Variants in TENM3 observed in about 807,000 individuals in gnomAD.
TENM3 encodes teneurin-3.
Under a neutral mutation model 255.1 loss-of-function variants are expected in TENM3, and 63 were observed. The observed-to-expected ratio is 0.25, with a 90% CI of 0.20 to 0.30. The LOEUF (loss-of-function observed/expected upper bound fraction) is 0.30. Among genes scored for constraint, TENM3 ranks in the 10% least tolerant of loss-of-function variants. The pLI is 1.00. For missense variants in TENM3, 2,929 were observed against 3,461.1 expected, an observed-to-expected ratio of 0.85 and a Z score of 3.86; for synonymous variants, 1,306 against 1,322.3, an observed-to-expected ratio of 0.99 and a Z score of 0.27.
chr4:182,388,256 A>G (rs936973122), intron 3 of TENM3, among the ~76,000 whole-genome samples: 1 of 152,170 alleles, frequency 6.6e-6, no homozygotes, highest in African/African-American at 2.4e-5. Flanking sequence ...TTGACGTAGC[A>G]GTCCCTCTCA....
chr4:182,366,798 T>C (rs1334034066), intron 3 of TENM3, among the ~76,000 whole-genome samples: 2 of 152,144 alleles, frequency 1.3e-5, no homozygotes, highest in Admixed American at 1.3e-4. Flanking sequence ...AATGTAATAG[T>C]GGAAAAGCAG....
At chr4:181,495,613 C>T in the TENM3 span, among the ~76,000 whole-genome samples, 1 of 151,700 alleles carries the variant, frequency 6.6e-6, no homozygotes, top group African/African-American at 2.4e-5. Flanking sequence ...GAAATATCAG[C>T]AATGGTGTAT....
At chr4:181,753,422 A>T in the TENM3 span, among the ~76,000 whole-genome samples, 1 of 152,122 alleles carries the variant, frequency 6.6e-6, no homozygotes, top group Admixed American at 6.5e-5. Flanking sequence ...GGCTGTACAG[A>T]TGGAGACGCA....
intron 3 of TENM3, among the ~76,000 whole-genome samples, chr4:182,368,173 T>A (rs544749302): frequency 6.6e-6 from 1 of 152,352 alleles, no homozygotes; most frequent in South Asian, 2.1e-4. Flanking sequence ...GTATTTATCT[T>A]CACCACAGCC....
intron 1 of TENM3, among the ~76,000 whole-genome samples, chr4:182,263,653 G>T (rs987206802): frequency 6.6e-6 from 1 of 152,118 alleles, no homozygotes; most frequent in Non-Finnish European, 1.5e-5. Flanking sequence ...TTCCTGCAAT[G>T]GTAGGTCTTC....
the TENM3 span, among the ~76,000 whole-genome samples, chr4:181,985,337 T>C: frequency 6.6e-6 from 1 of 151,228 alleles, no homozygotes; most frequent in Admixed American, 6.6e-5. Flanking sequence ...AAAAATAGAC[T>C]AATGTAGAAA....
chr4:181,740,624 C>T, the TENM3 span, among the ~76,000 whole-genome samples: 1 of 151,904 alleles, frequency 6.6e-6, no homozygotes, highest in South Asian at 2.1e-4. Flanking sequence ...ATAGAGATCA[C>T]TGCAATCAAT....
At chr4:181,525,508 AGAGATT>A in the TENM3 span, among the ~76,000 whole-genome samples, 1 of 151,768 alleles carries the variant, frequency 6.6e-6, no homozygotes, top group African/African-American at 2.4e-5. Context: ...CTAACTGAGT[AGAGATT>A]AATTGCCAGG....
the TENM3 span, among the ~76,000 whole-genome samples, chr4:181,962,584 C>T: frequency 1.3e-5 from 2 of 152,164 alleles, no homozygotes; most frequent in Non-Finnish European, 1.5e-5. Flanking sequence ...AGCTGTATGG[C>T]TTAAGAGCTC....
intron 5 of TENM3, among the ~76,000 whole-genome samples, chr4:182,639,831 C>T (rs750383586): frequency 3.9e-5 from 6 of 152,154 alleles, no homozygotes; most frequent in Admixed American, 6.5e-5. Context: ...GTGGCTCACA[C>T]CTGTAATCCC....
At chr4:182,338,096 A>G (rs760650593) in intron 2 of TENM3, among the ~76,000 whole-genome samples, 1 of 152,154 alleles carries the variant, frequency 6.6e-6, no homozygotes, top group African/African-American at 2.4e-5. Flanking sequence ...ACTGCCTATG[A>G]AATTTACCTA....
the TENM3 span, among the ~76,000 whole-genome samples, chr4:181,763,114 A>G: frequency 1.3e-5 from 2 of 152,190 alleles, no homozygotes; most frequent in African/African-American, 4.8e-5. Context: ...ATTTGAAACA[A>G]AAATAGGAAT....
chr4:181,588,686 G>A, the TENM3 span, among the ~76,000 whole-genome samples: 27 of 152,196 alleles, frequency 1.8e-4, no homozygotes. Flanking sequence ...ATAGAGAAGA[G>A]AGGGAGTAAA....
At chr4:182,280,913 C>T (rs1020066877) in intron 1 of TENM3, among the ~76,000 whole-genome samples, 9 of 152,168 alleles carry the variant, frequency 5.9e-5, no homozygotes, top group Non-Finnish European at 1.3e-4. Flanking sequence ...TAAGGAGCCT[C>T]GAGAAGCAGA....
At chr4:181,616,354 CATATATATCAATAGGATAT>C in the TENM3 span, among the ~76,000 whole-genome samples, 4 of 132,732 alleles carry the variant, frequency 3.0e-5, no homozygotes, top group African/African-American at 1.1e-4. Context: ...CACACGTATG[CATATATATCAATAGGATAT>C]ATATATATAT....
chr4:181,847,192 G>A, the TENM3 span, among the ~76,000 whole-genome samples: 513 of 152,262 alleles, frequency 3.4e-3, 7 homozygotes, highest in African/African-American at 0.011. Flanking sequence ...TATGGAAAAC[G>A]TTATAACAGA....
the TENM3 span, among the ~76,000 whole-genome samples, chr4:181,721,599 C>CA: frequency 1.0e-3 from 26 of 25,582 alleles, 1 homozygote; most frequent in African/African-American, 1.3e-3. Flanking sequence ...GACTCCGTCT[C>CA]AAAAAAAAAA....
chr4:182,680,297 T>G lies in TENM3; in HGVS notation c.1587T>G (p.Val529=). 1.2e-6 allele frequency: 2 copies of G among 1,613,918 alleles called. No homozygotes were observed. Among genetic ancestry groups the G allele is most frequent in the Non-Finnish European group, 1.7e-6 (2 of 1,179,878 alleles). The stretch of plus-strand genomic sequence containing the variant: ...ATTGCCATGGAAATGGAGAATGCGT[T>G]TCTGGAACTTGCCATTGTTTTCCAG... ...PRNCHGNGEC[V]SGTCHCFPGF... Residue 529 remains valine (V), a synonymous_variant, in exon 9 of 28, where the codon GTT becomes GTG. Transcript: ENST00000511685.
the TENM3 span, among the ~76,000 whole-genome samples, chr4:181,867,425 C>G: frequency 1.3e-5 from 2 of 152,182 alleles, no homozygotes; most frequent in South Asian, 4.1e-4. Flanking sequence ...AGTATCACCC[C>G]TCCCGTTGGA....
Sources: allele counts gnomAD v4.1 joint callset (sites outside exome capture counted in the v4.1 genomes callset), GRCh38; gene constraint gnomAD v4.1.1; transcripts MANE v1.5; gene names NCBI Gene and HGNC (gene_info 2026-07-23, HGNC 2026-07-21).